VPS4A: variants seen among roughly 807,000 people sequenced by gnomAD.
VPS4A encodes the protein vacuolar protein sorting 4 homolog A.
VPS4A carries 20 observed loss-of-function variants against 52.3 expected under a neutral mutation model. That is an observed-to-expected ratio of 0.38 (90% CI 0.27 to 0.56). The LOEUF is 0.56. VPS4A is among the 20% of genes least tolerant of loss of function. VPS4A has a pLI of 0.72. For synonymous variants in VPS4A, 293 were observed against 227.7 expected, an observed-to-expected ratio of 1.29 and a Z score of -2.58; for missense variants, 419 against 575.9, an observed-to-expected ratio of 0.73 and a Z score of 2.79.
At chr16:69,316,874 C>A (rs1965443583) in intron 3 of VPS4A, among the ~76,000 whole-genome samples, 1 of 152,234 alleles carries the variant, frequency 6.6e-6, no homozygotes, top group African/African-American at 2.4e-5. Context: ...CGAGGTGGCA[C>A]AGGATGGAAC....
At chr16:69,311,557 T>C in intron 1 of VPS4A, 25 bp downstream of exon 1, 1 of 1,300,956 alleles carries the variant, frequency 7.7e-7, no homozygotes. Context: ...CCGGCCCGAC[T>C]TCGGAGGCCG....
intron 5 of VPS4A, 101 bp from the exon 6 acceptor site, chr16:69,319,286 A>G: frequency 3.3e-6 from 5 of 1,506,056 alleles, no homozygotes; most frequent in South Asian, 1.3e-5. Context: ...GTTGTTTCAC[A>G]GAATGCCCTG....
In VPS4A at chr16:69,311,467, G is replaced by C; in HGVS notation, c.-45G>C. ...CTCGGCTCCCCGGGGCCGGACCGAG[G>C]CCGCAAGCAGCGCCGCGGGGTGTGG... On this transcript the variant is annotated 5_prime_UTR_variant, in exon 1 of 11. Transcript: ENST00000254950. 7.8e-7 allele frequency: 1 copy of C among 1,288,668 alleles called. No homozygotes were observed. Among genetic ancestry groups the C allele is most frequent in the Non-Finnish European group, 9.9e-7 (1 of 1,007,278 alleles). 79.8% of individuals were successfully genotyped at this position (1,288,668 alleles called of 1,614,324 possible). A position where few individuals can be genotyped will look rare whatever the true frequency, so the allele number is the denominator to read the frequency against.
At chr16:69,313,723 T>C (rs1350613149) in intron 1 of VPS4A, among the ~76,000 whole-genome samples, 1 of 152,158 alleles carries the variant, frequency 6.6e-6, no homozygotes, top group Non-Finnish European at 1.5e-5. Context: ...CAAGGTAGAG[T>C]TGAGTCGTTG....
At chr16:69,316,976 G>A (rs112266041) in intron 3 of VPS4A, among the ~76,000 whole-genome samples, 7 of 152,072 alleles carry the variant, frequency 4.6e-5, no homozygotes, top group South Asian at 4.2e-4. Flanking sequence ...CGCCCACCAC[G>A]GTGATCCCAG....
chr16:69,318,555 A>C (rs1965466764), intron 3 of VPS4A, 95 bp from the exon 4 acceptor site: 2 of 1,374,344 alleles, frequency 1.5e-6, no homozygotes, highest in African/African-American at 1.4e-5. Context: ...TTCGTTCCTT[A>C]ACCAGTGTGC....
intron 1 of VPS4A, among the ~76,000 whole-genome samples, chr16:69,315,552 T>C (rs1198431440): frequency 6.6e-6 from 1 of 152,224 alleles, no homozygotes; most frequent in Non-Finnish European, 1.5e-5. Flanking sequence ...CGGGCAGGAC[T>C]TTCCTTCTGG....
At chr16:69,318,782 C>T in intron 4 of VPS4A, 41 bp from the exon 5 acceptor site, 1 of 1,612,362 alleles carries the variant, frequency 6.2e-7, no homozygotes, top group Non-Finnish European at 8.5e-7. Flanking sequence ...GGCTCATGCC[C>T]CTTGGCCGGG....
In VPS4A at chr16:69,320,376, T is replaced by G. The variant is rs1965495999; in HGVS notation, c.769+87T>G. 20 of 1,552,416 alleles carry G rather than the reference T, an allele frequency of 1.3e-5. 2 individuals carry two copies. In the South Asian group the frequency reaches 2.3e-4, roughly 18 times the overall value. On this transcript the variant is annotated intron_variant, in intron 7 of 10. Transcript: ENST00000254950. The surrounding 1 kb of genome is among the most constrained non-coding windows in gnomAD (Gnocchi z 4.2). ...ATTCTGAGCTGCGGCTGGATTTGGT[T>G]GTTCTCAGCCTCGGAGAGGCACTCC...
Position 69,322,577 on chromosome 16 carries a change from C to T in VPS4A, c.1089C>T (p.Arg363=). The T allele has an allele frequency of 6.2e-7, 1 of 1,613,496 alleles. No individual in the cohort carries two copies. Among genetic ancestry groups the T allele is most frequent in the Non-Finnish European group, 8.5e-7 (1 of 1,179,636 alleles). ...THFKKVCGPS[R]TNPSMMIDDL... ...GGTTTCAGGTCTGTGGCCCCTCTCGCACCAACCCCAGCATGATGATTGATG... is the reference window on the plus strand; with the variant it reads ...GGTTTCAGGTCTGTGGCCCCTCTCGTACCAACCCCAGCATGATGATTGATG... Residue 363 remains arginine (R), a synonymous_variant, in exon 10 of 11, where the codon CGC becomes CGT. Transcript: ENST00000254950.
At position 69,320,735 on chromosome 16, in the gene VPS4A, A is replaced by G; in HGVS notation, c.817A>G (p.Ile273Val). 1 of 1,609,192 alleles carries G rather than the reference A, an allele frequency of 6.2e-7. No homozygotes were observed. The highest frequency in any genetic ancestry group is 8.5e-7 in the Non-Finnish European group (1 of 1,177,878). ...GACTCTGGTTCTTGGAGCCACAAAC[A>G]TCCCATGGGTGTTGGATTCGGCCAT... ...DGTLVLGATN[I>V]PWVLDSAIRR... is the part of the protein sequence containing the mutation. The change falls in exon 8 of 11, where the codon ATC becomes GTC. Residue 273 changes from isoleucine (I) to valine (V), a missense_variant. Transcript: ENST00000254950. The surrounding 1 kb of genome is among the most constrained non-coding windows in gnomAD (Gnocchi z 4.2).
At chr16:69,319,890 C>T (rs1371057038) in intron 6 of VPS4A, among the ~76,000 whole-genome samples, 10 of 152,142 alleles carry the variant, frequency 6.6e-5, no homozygotes, top group Admixed American at 5.9e-4. Flanking sequence ...AGGGGACTGA[C>T]GTGTTGTAAG....
In VPS4A at chr16:69,319,466, A is replaced by G; in HGVS notation, c.543A>G (p.Ala181=). 1 of 1,614,026 alleles carries G rather than the reference A, an allele frequency of 6.2e-7. No individual in the cohort carries two copies. The highest frequency in any genetic ancestry group is 8.5e-7 in the Non-Finnish European group (1 of 1,179,896). The part of the protein sequence containing the change: ...TGKSYLAKAV[A]TEANNSTFFS... The stretch of plus-strand genomic sequence containing the variant: ...AATCCTACCTGGCCAAAGCCGTGGC[A>G]ACAGAGGCCAACAACTCCACCTTCT... The change falls in exon 6 of 11, where the codon GCA becomes GCG. Residue 181 remains alanine, a synonymous_variant. Transcript: ENST00000254950.
chr16:69,324,908 G>C lies in VPS4A; in HGVS notation c.*599G>C, dbSNP rs953311546. 1 of 159,236 alleles carries C rather than the reference G, an allele frequency of 6.3e-6. No homozygotes were observed. The highest frequency in any genetic ancestry group is 1.8e-4 in the South Asian group (1 of 5,476). The allele number at this position is 159,236 out of a possible 1,614,324, so 9.9% of individuals were successfully genotyped here. ...TTGGGGGAGGAGATGGTGTCGTTTA[G>C]ATCAGGGTAAGGCAGTCAGGCGGGT... On this transcript the variant is annotated 3_prime_UTR_variant, in exon 11 of 11. Transcript: ENST00000254950.
chr16:69,320,934 CGCCA>C lies in VPS4A; in HGVS notation c.852-114_852-111del. 1 of 1,243,072 alleles carries C rather than the reference CGCCA, an allele frequency of 8.0e-7. No homozygotes were observed. The highest frequency in any genetic ancestry group is 1.1e-6 in the Non-Finnish European group (1 of 880,596). The allele number at this position is 1,243,072 out of a possible 1,614,324, so 77.0% of individuals were successfully genotyped here. A position where few individuals can be genotyped will look rare whatever the true frequency, so the allele number is the denominator to read the frequency against. ...TGAGGCTGGCTTGTTGAGGATGTGC[CGCCA>C]GCATCACTGGCCCATGAAATGCGTC... On this transcript the variant is annotated intron_variant, in intron 8 of 10. Transcript: ENST00000254950. The surrounding 1 kb of genome is among the most constrained non-coding windows in gnomAD (Gnocchi z 4.2).
chr16:69,325,732 C>CAA lies in VPS4A; in HGVS notation c.*1437_*1438dup, dbSNP rs765941939. On this transcript the variant is annotated 3_prime_UTR_variant, in exon 11 of 11. Transcript: ENST00000254950. Reference sequence around the variant, plus strand: ...TGGGCGACAGAGCAAGACTCTGTCTCAAAAAAAAAAAAAAAGTCGAGAGTT... The same window carrying CAA: ...TGGGCGACAGAGCAAGACTCTGTCTCAAAAAAAAAAAAAAAAAGTCGAGAGTT... The CAA allele has an allele frequency of 9.3e-3, 1,022 of 109,656 alleles. 14 individuals are homozygous for CAA. The highest frequency in any genetic ancestry group is 0.029 in the African/African-American group (865 of 29,336). 6.8% of individuals were successfully genotyped at this position (109,656 alleles called of 1,614,324 possible).
intron 3 of VPS4A, among the ~76,000 whole-genome samples, chr16:69,317,953 CA>C (rs35907075): frequency 0.071 from 3,259 of 46,062 alleles, 23 homozygotes; most frequent in African/African-American, 0.11. Flanking sequence ...GGCACCATCT[CA>C]AAAAAAAAAA....
In VPS4A at chr16:69,325,827, G is replaced by T. The variant is rs1965586057; in HGVS notation, c.*1518G>T. ...TAATGTTGGGCCTGCGTCCTCATGG[G>T]GCAGCCTGTCAGCGGCCACTAAGTA... is the stretch of plus-strand genomic sequence containing the variant. On this transcript the variant is annotated 3_prime_UTR_variant, in exon 11 of 11. Coordinates refer to ENST00000254950, the MANE Select transcript of VPS4A (RefSeq NM_013245.3). 1 of 152,054 alleles carries T rather than the reference G, an allele frequency of 6.6e-6. No homozygotes were observed. Among genetic ancestry groups the T allele is most frequent in the African/African-American group, 2.4e-5 (1 of 41,374 alleles). 9.4% of individuals were successfully genotyped at this position (152,054 alleles called of 1,614,324 possible). A position where few individuals can be genotyped will look rare whatever the true frequency, so the allele number is the denominator to read the frequency against.
At chr16:69,319,843 A>C (rs1456155105) in intron 6 of VPS4A, among the ~76,000 whole-genome samples, 1 of 152,036 alleles carries the variant, frequency 6.6e-6, no homozygotes, top group Non-Finnish European at 1.5e-5. Flanking sequence ...CCCCACACTG[A>C]CTCCTGTTTT....
Sources: gnomAD v4.1 joint callset for allele counts (sites outside exome capture counted in the v4.1 genomes callset) on GRCh38, gnomAD v4.1.1 for gene constraint, Gnocchi (gnomAD v3.1) non-coding constraint, MANE v1.5 for transcripts, NCBI Gene and HGNC (gene_info 2026-07-23, HGNC 2026-07-21) for gene names.